The following ADAMTS17 variants were observed in gnomAD, a reference collection of about 807,000 sequenced individuals.
ADAMTS17 encodes the protein A disintegrin and metalloproteinase with thrombospondin motifs 17.
A neutral mutation model predicts 141.5 loss-of-function variants in ADAMTS17; 113 were observed. That is an observed-to-expected ratio of 0.80 (90% confidence interval 0.69 to 0.93). The LOEUF (loss-of-function observed/expected upper bound fraction) is 0.93, where lower values mean the gene tolerates loss of function less well. ADAMTS17 is among the 40% of genes least tolerant of loss of function. ADAMTS17 has a pLI of 0.00. For synonymous variants in ADAMTS17, 768 were observed against 630.6 expected, an observed-to-expected ratio of 1.22 and a Z score of -3.27; for missense variants, 1,659 against 1,517.9, an observed-to-expected ratio of 1.09 and a Z score of -1.54.
rs2142001306 is a variant in ADAMTS17 at position 100,341,930 on chromosome 15, G to T, written c.-31C>A. 3.9e-6 allele frequency: 6 copies of T among 1,548,372 alleles called. No homozygotes were observed. Among genetic ancestry groups the T allele is most frequent in the Non-Finnish European group, 5.2e-6 (6 of 1,146,144 alleles). ...CCGGGACCGGCAGCCCCCCCGGACC[G>T]TGGCGGCGAAGCAGGAGCGCGCTAG... On this transcript the variant is annotated 5_prime_UTR_variant, in exon 1 of 22. Coordinates refer to ENST00000268070, the MANE Select transcript of ADAMTS17 (RefSeq NM_139057.4).
At chr15:100,094,534 C>T (rs1416882089) in intron 15 of ADAMTS17, among the ~76,000 whole-genome samples, 2 of 152,126 alleles carry the variant, frequency 1.3e-5, no homozygotes, top group Admixed American at 1.3e-4. Flanking sequence ...AAGTGAGATC[C>T]TATGTTAGTT....
chr15:100,329,624 A>G (rs1165687029), intron 3 of ADAMTS17, among the ~76,000 whole-genome samples: 1 of 152,088 alleles, frequency 6.6e-6, no homozygotes, highest in Non-Finnish European at 1.5e-5. Context: ...TTTAGGTGCT[A>G]GTAATTGTAC....
intron 18 of ADAMTS17, among the ~76,000 whole-genome samples, chr15:100,040,752 G>C (rs1462991882): frequency 5.3e-5 from 8 of 151,324 alleles, no homozygotes. Flanking sequence ...AGATAAATAA[G>C]GTAAGGCTTT....
chr15:99,992,373 G>T (rs563621906), intron 20 of ADAMTS17, among the ~76,000 whole-genome samples: 1 of 152,298 alleles, frequency 6.6e-6, no homozygotes, highest in African/African-American at 2.4e-5. Flanking sequence ...GAGTGGTACA[G>T]ATTTTGTGAG....
intron 10 of ADAMTS17, among the ~76,000 whole-genome samples, chr15:100,146,120 C>G (rs531673646): frequency 2.0e-5 from 3 of 152,322 alleles, no homozygotes; most frequent in African/African-American, 4.8e-5. Flanking sequence ...TTGCACTGAG[C>G]TGAGATCGAG....
chr15:100,051,937 G>A (rs530712826), intron 16 of ADAMTS17, among the ~76,000 whole-genome samples: 1 of 152,324 alleles, frequency 6.6e-6, no homozygotes, highest in Non-Finnish European at 1.5e-5. Flanking sequence ...TGGGGTGAAT[G>A]CAAACCATCG....
intron 14 of ADAMTS17, among the ~76,000 whole-genome samples, chr15:100,103,964 G>T (rs1319835199): frequency 6.6e-6 from 1 of 152,208 alleles, no homozygotes; most frequent in Non-Finnish European, 1.5e-5. Context: ...CACTGAAGAA[G>T]GTCACAGGCC....
intron 13 of ADAMTS17, among the ~76,000 whole-genome samples, chr15:100,111,688 A>G (rs1472279755): frequency 6.6e-6 from 1 of 152,260 alleles, no homozygotes; most frequent in African/African-American, 2.4e-5. Context: ...ACTGGGAGTA[A>G]TTGAGCTTTG....
intron 18 of ADAMTS17, among the ~76,000 whole-genome samples, chr15:100,020,605 A>C (rs540634703): frequency 6.6e-6 from 1 of 152,196 alleles, no homozygotes; most frequent in South Asian, 2.1e-4. Flanking sequence ...CCGTGGGTCT[A>C]TTTTGAGTTC....
chr15:100,039,775 T>C (rs1468964335), intron 18 of ADAMTS17, among the ~76,000 whole-genome samples: 1 of 152,226 alleles, frequency 6.6e-6, no homozygotes, highest in Non-Finnish European at 1.5e-5. Flanking sequence ...TCTATTTCCT[T>C]GTTGATACAC....
intron 18 of ADAMTS17, among the ~76,000 whole-genome samples, chr15:100,004,367 C>A (rs1482404529): frequency 1.3e-5 from 2 of 152,082 alleles, no homozygotes; most frequent in Non-Finnish European, 2.9e-5. Flanking sequence ...TTTCACCCAA[C>A]CCCCCCTGGC....
In ADAMTS17 at chr15:100,051,947, G is replaced by A. The variant is rs78184387; in HGVS notation, c.2296-216C>T. ...AGGAGTGGGGTGAATGCAAACCATCGTGAGGGAGTTCTGTTCTTTCCTACC... is the reference window on the plus strand; with the variant it reads ...AGGAGTGGGGTGAATGCAAACCATCATGAGGGAGTTCTGTTCTTTCCTACC... On this transcript the variant is annotated intron_variant, in intron 16 of 21. Transcript: ENST00000268070. Among the ~76,000 whole-genome samples, 1,185 of 152,292 alleles carry A rather than the reference G, an allele frequency of 7.8e-3. 7 individuals are homozygous for A. The highest frequency in any genetic ancestry group is 0.01 in the Non-Finnish European group (686 of 68,020).
Position 99,974,382 on chromosome 15 carries a change from G to T in ADAMTS17, c.*20C>A, listed in dbSNP as rs759464229. 1 of 1,613,948 alleles carries T rather than the reference G, an allele frequency of 6.2e-7. No homozygotes were observed. Among genetic ancestry groups the T allele is most frequent in the African/African-American group, 1.3e-5 (1 of 75,074 alleles). On this transcript the variant is annotated 3_prime_UTR_variant, in exon 22 of 22. Coordinates refer to ENST00000268070, the MANE Select transcript of ADAMTS17 (RefSeq NM_139057.4). ...TTTCAGACCTGAGTCTGAGCTTTGAGCGACCCTTGGGACTGCGTGTCACGA... is the reference window on the plus strand; with the variant it reads ...TTTCAGACCTGAGTCTGAGCTTTGATCGACCCTTGGGACTGCGTGTCACGA...
At chr15:100,119,126 G>C (rs144538498) in intron 12 of ADAMTS17, among the ~76,000 whole-genome samples, 23 of 151,272 alleles carry the variant, frequency 1.5e-4, no homozygotes, top group Non-Finnish European at 2.7e-4. Context: ...GAAGCTGAGA[G>C]AGAGGCCTGG....
At chr15:100,152,272 T>G (rs1043959073) in intron 10 of ADAMTS17, among the ~76,000 whole-genome samples, 6 of 152,192 alleles carry the variant, frequency 3.9e-5, no homozygotes, top group African/African-American at 1.4e-4. Context: ...GGTTTCCATA[T>G]TAAAATGTTA....
intron 18 of ADAMTS17, among the ~76,000 whole-genome samples, chr15:100,034,858 A>C (rs1015309865): frequency 1.3e-5 from 2 of 152,224 alleles, no homozygotes; most frequent in African/African-American, 4.8e-5. Flanking sequence ...AAGTTAAAAC[A>C]GGTTCAGCCT....
chr15:100,182,740 C>G (rs1259875615), intron 8 of ADAMTS17, among the ~76,000 whole-genome samples: 2 of 152,042 alleles, frequency 1.3e-5, no homozygotes, highest in Admixed American at 1.3e-4. Flanking sequence ...CTGATGGAGG[C>G]TTCTGTTTTA....
chr15:100,033,064 G>A (rs962433474), intron 18 of ADAMTS17, among the ~76,000 whole-genome samples: 8 of 152,132 alleles, frequency 5.3e-5, no homozygotes, highest in Non-Finnish European at 7.4e-5. Flanking sequence ...AAAAAAAATG[G>A]TTCTCTGGAA....
chr15:100,073,457 T>G (rs146488358), intron 15 of ADAMTS17, among the ~76,000 whole-genome samples: 1 of 152,058 alleles, frequency 6.6e-6, no homozygotes, highest in East Asian at 1.9e-4. Context: ...TAAAGACACA[T>G]GCACACGTAT....
Sources: allele counts gnomAD v4.1 joint callset (sites outside exome capture counted in the v4.1 genomes callset), GRCh38; gene constraint gnomAD v4.1.1; transcripts MANE v1.5; gene names NCBI Gene and HGNC (gene_info 2026-07-23, HGNC 2026-07-21).